Variants in GRB10 observed in about 807,000 individuals in gnomAD.
GRB10 encodes growth factor receptor-bound protein 10.
Under a neutral mutation model 80.9 loss-of-function variants are expected in GRB10, and 20 were observed. The ratio of observed to expected loss-of-function variants is 0.25; its 90% confidence interval spans 0.17 to 0.36. The LOEUF (loss-of-function observed/expected upper bound fraction) is 0.36. Among genes scored for constraint, GRB10 ranks in the 10% least tolerant of loss-of-function variants. The pLI is 1.00. For missense variants in GRB10, 548 were observed against 747.7 expected (o/e 0.73, Z 3.12); for synonymous variants, 291 against 291.5 (o/e 1.00, Z 0.02).
intron 6 of GRB10, among the ~76,000 whole-genome samples, chr7:50,670,920 T>C (rs546948145): frequency 2.6e-5 from 4 of 152,250 alleles, no homozygotes; most frequent in South Asian, 4.1e-4. Flanking sequence ...CACCTCTACT[T>C]TCCTGGCACA....
chr7:50,691,393 C>T (rs544455552), intron 5 of GRB10, among the ~76,000 whole-genome samples: 1 of 152,270 alleles, frequency 6.6e-6, no homozygotes, highest in East Asian at 1.9e-4. Flanking sequence ...GGGCAACTCC[C>T]CTACTTCTGG....
At chr7:50,783,270 G>A (rs1412142875), upstream of GRB10, among the ~76,000 whole-genome samples, 2 of 152,220 alleles carry the variant, frequency 1.3e-5, no homozygotes, top group African/African-American at 4.8e-5. Flanking sequence ...GAACCAGGAA[G>A]GGAGAGGCTC....
rs1179176583 is a variant in GRB10, at chr7:50,590,657, G to A, written c.*2295C>T. ...ATGTCAATTAAATACAAAAATAAAA[G>A]TCAAATGTCCTTCCGTCCCCGGTTT... On this transcript the variant is annotated 3_prime_UTR_variant, in exon 19 of 19. Coordinates refer to ENST00000401949, the MANE Select transcript of GRB10 (RefSeq NM_001350814.2). 4 of 152,628 alleles carry A rather than the reference G, an allele frequency of 2.6e-5. No individual in the cohort carries two copies. Among genetic ancestry groups the A allele is most frequent in the African/African-American group, 9.7e-5 (4 of 41,446 alleles). The allele number at this position is 152,628 out of a possible 1,614,324, so 9.5% of individuals were successfully genotyped here. A position where few individuals can be genotyped will look rare whatever the true frequency, so the allele number is the denominator to read the frequency against.
chr7:50,775,022 G>A (rs973955369), intron 2 of GRB10, among the ~76,000 whole-genome samples: 5 of 150,616 alleles, frequency 3.3e-5, no homozygotes, highest in South Asian at 2.1e-4. Flanking sequence ...CTAGCTGGGC[G>A]TGATGGCACA....
intron 1 of GRB10, among the ~76,000 whole-genome samples, chr7:50,781,819 C>A (rs2078311768): frequency 6.6e-6 from 1 of 152,242 alleles, no homozygotes; most frequent in Admixed American, 6.5e-5. Flanking sequence ...GAACACGAAC[C>A]CCATGCCCAC....
chr7:50,669,827 T>C lies in GRB10; in HGVS notation c.399A>G (p.Ser133=). ...LQEEDQQFRT[S]SLPAIPNPFP... ...AAGGATTGGGGATGGCCGGCAGAGA[T>C]GAGGTTCTAAACTGCTGGTCTTCCT... Residue 133 remains serine, a synonymous_variant, in exon 7 of 19, where the codon TCA becomes TCG. Coordinates refer to ENST00000401949, the MANE Select transcript of GRB10 (RefSeq NM_001350814.2). 6.2e-7 allele frequency: 1 copy of C among 1,613,688 alleles called. No homozygotes were observed. Among genetic ancestry groups the C allele is most frequent in the Non-Finnish European group, 8.5e-7 (1 of 1,179,854 alleles).
intron 7 of GRB10, among the ~76,000 whole-genome samples, chr7:50,662,222 A>T (rs2059350527): frequency 6.6e-6 from 1 of 152,124 alleles, no homozygotes; most frequent in Admixed American, 6.5e-5. Context: ...GCTTCCTGGC[A>T]GTGGAGGTGC....
rs545374195 is a variant in GRB10, at chr7:50,669,777, C to A, written c.449G>T (p.Ser150Ile). Reference protein sequence around the residue: ...NPFPELCGPGSPPVLTPGSLP... With the variant: ...NPFPELCGPGIPPVLTPGSLP... ...AGAACCCGGCGTGAGCACAGGGGGG[C>A]TCCCAGGGCCACAGAGTTCAGGAAA... Residue 150 changes from serine to isoleucine, a missense_variant, in exon 7 of 19, where the codon AGC becomes ATC. Ser to Ile is a moderately radical substitution (Grantham distance 142, BLOSUM62 -2). This residue lies in a region of GRB10 where 245 missense variants were observed against 229.3 expected (regional missense o/e 1.07). Coordinates refer to ENST00000401949, the MANE Select transcript of GRB10 (RefSeq NM_001350814.2). 5 of 1,614,018 alleles carry A rather than the reference C, an allele frequency of 3.1e-6. No homozygotes were observed. In the South Asian group the frequency reaches 5.5e-5, roughly 18 times the overall value.
At chr7:50,790,383 C>T (rs1290955955) in intron 1 of GRB10, among the ~76,000 whole-genome samples, 2 of 151,988 alleles carry the variant, frequency 1.3e-5, no homozygotes, top group Non-Finnish European at 2.9e-5. Context: ...TAAAATAGCA[C>T]AGGTTAAAAG....
rs531847908 is a variant in GRB10 at position 50,674,309 on chromosome 7, G to T, written c.362+127C>A. 52 of 916,022 alleles carry T rather than the reference G, an allele frequency of 5.7e-5. 1 individual carries two copies. The East Asian group carries it at 1.4e-3, about 24-fold the overall frequency. 56.7% of individuals were successfully genotyped at this position (916,022 alleles called of 1,614,324 possible). A position where few individuals can be genotyped will look rare whatever the true frequency, so the allele number is the denominator to read the frequency against. ...GTATCCGTTATCCCATCAAAGCAATGTATCTGCCTCTTGACTTTGCAAGAC... is the reference window on the plus strand; with the variant it reads ...GTATCCGTTATCCCATCAAAGCAATTTATCTGCCTCTTGACTTTGCAAGAC... On this transcript the variant is annotated intron_variant, in intron 6 of 18. Transcript: ENST00000401949.
chr7:50,634,938 G>A (rs889570441), intron 7 of GRB10, among the ~76,000 whole-genome samples: 10 of 152,200 alleles, frequency 6.6e-5, no homozygotes, highest in Non-Finnish European at 1.0e-4. Flanking sequence ...TACCATAATA[G>A]TGGGGGGCTA....
chr7:50,671,859 AG>A (rs1179050282), intron 6 of GRB10, among the ~76,000 whole-genome samples: 9 of 152,274 alleles, frequency 5.9e-5, no homozygotes, highest in African/African-American at 2.2e-4. Context: ...GGCAAGACTA[AG>A]GGATATCACA....
chr7:50,743,837 G>A (rs1032729638), intron 3 of GRB10, among the ~76,000 whole-genome samples: 3 of 152,178 alleles, frequency 2.0e-5, no homozygotes, highest in African/African-American at 7.2e-5. Flanking sequence ...GCCCAGGGCA[G>A]GACTGTTAAT....
chr7:50,775,374 A>G (rs1202161072), intron 2 of GRB10, among the ~76,000 whole-genome samples: 2 of 152,170 alleles, frequency 1.3e-5, no homozygotes, highest in African/African-American at 4.8e-5. Flanking sequence ...TGGGTTCCCA[A>G]GGACCTGGGC....
Position 50,707,714 on chromosome 7 carries a change from C to G in GRB10, c.52-3806G>C, listed in dbSNP as rs143409092. Among the ~76,000 whole-genome samples, 7 of 152,198 alleles carry G rather than the reference C, an allele frequency of 4.6e-5. No homozygotes were observed. The South Asian group carries it at 1.2e-3, about 27-fold the overall frequency. On this transcript the variant is annotated intron_variant, in intron 4 of 18. Coordinates refer to ENST00000401949, the MANE Select transcript of GRB10 (RefSeq NM_001350814.2). Reference sequence around the variant, plus strand: ...TACATTCAGAAGACATGCTACCCCACGTATTTCAAAGGGTGGGTGGGACCA... The same window carrying G: ...TACATTCAGAAGACATGCTACCCCAGGTATTTCAAAGGGTGGGTGGGACCA...
At chr7:50,761,832 CTGT>C (rs921552230) in intron 2 of GRB10, 3 of 152,160 alleles carry the variant, frequency 2.0e-5, no homozygotes, top group Admixed American at 1.3e-4. Flanking sequence ...CCTCGTGGTG[CTGT>C]TGTGATGGAG....
chr7:50,769,709 C>T (rs1175896340), intron 2 of GRB10, among the ~76,000 whole-genome samples: 1 of 152,118 alleles, frequency 6.6e-6, no homozygotes, highest in Middle Eastern at 3.2e-3. Context: ...TACTCAAAGA[C>T]TGTCAGCCTG....
At chr7:50,654,535 C>T (rs2058414905) in intron 7 of GRB10, among the ~76,000 whole-genome samples, 1 of 152,202 alleles carries the variant, frequency 6.6e-6, no homozygotes, top group South Asian at 2.1e-4. Context: ...GAGCTCACTG[C>T]AGCATCAGTG....
intron 4 of GRB10, among the ~76,000 whole-genome samples, chr7:50,708,435 A>G (rs888060021): frequency 1.3e-5 from 2 of 152,226 alleles, no homozygotes; most frequent in African/African-American, 4.8e-5. Context: ...CTGTGGCACT[A>G]AAGATCATCC....
Sources: gnomAD v4.1 joint callset for allele counts (sites outside exome capture counted in the v4.1 genomes callset) on GRCh38, gnomAD v4.1.1 for gene constraint, gnomAD v4.1.1 regional missense constraint, MANE v1.5 for transcripts, NCBI Gene and HGNC (gene_info 2026-07-23, HGNC 2026-07-21) for gene names.